The following ARSB variants were observed in gnomAD, a reference collection of about 807,000 sequenced individuals.
ARSB encodes the protein N-acetylgalactosamine-4-sulfatase.
In ARSB, 41 loss-of-function variants were observed where a neutral mutation model predicts 50.9. That is an observed-to-expected ratio of 0.81 (90% confidence interval 0.63 to 1.04). ARSB has a LOEUF of 1.04. Among genes scored for constraint, ARSB ranks in the 50% least tolerant of loss-of-function variants. The probability of loss-of-function intolerance (pLI) is 0.00; values close to 1 mark genes in which losing one functional copy is unlikely to be tolerated. For synonymous variants in ARSB, 269 were observed against 284.8 expected (o/e 0.94, Z 0.56); for missense variants, 672 against 693.3 (o/e 0.97, Z 0.35).
At chr5:78,939,885 T>G (rs1306793827) in intron 4 of ARSB, among the ~76,000 whole-genome samples, 1 of 152,254 alleles carries the variant, frequency 6.6e-6, no homozygotes, top group Non-Finnish European at 1.5e-5. Context: ...TGAACTAGTT[T>G]ATAGTCCCAC....
At chr5:78,836,678 T>G (rs548944305) in intron 6 of ARSB, among the ~76,000 whole-genome samples, 2 of 152,202 alleles carry the variant, frequency 1.3e-5, no homozygotes, top group Non-Finnish European at 2.9e-5. Flanking sequence ...GCCCTTTAGG[T>G]AAGACAGGAG....
Position 78,984,980 on chromosome 5 carries a change from A to G in ARSB, c.269T>C (p.Leu90Pro), listed in dbSNP as rs1580169508. ...VLLDNYYTQP[L>P]CTPSRSQLLT... ...CAGCTGGCTCCGCGACGGCGTGCAC[A>G]GCGGCTGCGTGTAGTAGTTGTCCAG... Residue 90 changes from leucine (L) to proline (P), a missense_variant, in exon 1 of 8, where the codon CTG (leucine) becomes CCG (proline). Coordinates refer to ENST00000264914, the MANE Select transcript of ARSB (RefSeq NM_000046.5). 6 of 1,520,280 alleles carry G rather than the reference A, an allele frequency of 3.9e-6. No individual in the cohort carries two copies. Among genetic ancestry groups the G allele is most frequent in the South Asian group, 1.2e-5 (1 of 80,330 alleles). The allele number at this position is 1,520,280 out of a possible 1,614,324, so 94.2% of individuals were successfully genotyped here.
chr5:78,820,094 C>T (rs1356328778), intron 6 of ARSB, among the ~76,000 whole-genome samples: 2 of 152,184 alleles, frequency 1.3e-5, no homozygotes, highest in Non-Finnish European at 2.9e-5. Context: ...CCTTCTGCCA[C>T]GTGAGGACTC....
intron 4 of ARSB, among the ~76,000 whole-genome samples, chr5:78,919,133 T>A (rs1337634027): frequency 6.6e-6 from 1 of 152,154 alleles, no homozygotes; most frequent in Non-Finnish European, 1.5e-5. Flanking sequence ...AGCTCAATAT[T>A]CCCTCGTGGG....
chr5:78,919,985 T>C (rs1039815392), intron 4 of ARSB, among the ~76,000 whole-genome samples: 2 of 152,140 alleles, frequency 1.3e-5, no homozygotes, highest in African/African-American at 4.8e-5. Flanking sequence ...GGCTGCTAAG[T>C]GCCCAGACTC....
chr5:78,838,537 T>C (rs1175886318), intron 6 of ARSB, among the ~76,000 whole-genome samples: 1 of 152,010 alleles, frequency 6.6e-6, no homozygotes, highest in African/African-American at 2.4e-5. Context: ...AACAAAGAAG[T>C]AAGGAGAGCC....
chr5:78,780,296 G>A lies in ARSB; in HGVS notation c.*101C>T. ...GGTGTGGTTTAAGAGCAAGAGAAGG[G>A]CCAAGTGAACCCAGGTTGGGATAAC... is the stretch of plus-strand genomic sequence containing the variant. On this transcript the variant is annotated 3_prime_UTR_variant, in exon 8 of 8. Transcript: ENST00000264914. 1 of 1,531,938 alleles carries A rather than the reference G, an allele frequency of 6.5e-7. No individual in the cohort carries two copies. The highest frequency in any genetic ancestry group is 1.1e-5 in the South Asian group (1 of 88,382). 94.9% of individuals were successfully genotyped at this position (1,531,938 alleles called of 1,614,324 possible).
intron 6 of ARSB, among the ~76,000 whole-genome samples, chr5:78,805,962 G>T (rs1279334643): frequency 6.6e-6 from 1 of 152,196 alleles, no homozygotes; most frequent in Admixed American, 6.5e-5. Flanking sequence ...CTAGCTGTGC[G>T]GCCTTGGGGG....
chr5:78,936,344 G>A (rs1302519892), intron 4 of ARSB, among the ~76,000 whole-genome samples: 3 of 151,078 alleles, frequency 2.0e-5, no homozygotes, highest in Non-Finnish European at 2.9e-5. Flanking sequence ...GGCTGGTCTC[G>A]AACTCCTGAC....
chr5:78,854,503 G>A (rs867047352), intron 5 of ARSB, among the ~76,000 whole-genome samples: 19 of 152,224 alleles, frequency 1.2e-4, no homozygotes, highest in African/African-American at 3.9e-4. Context: ...ATTCAGGAAC[G>A]TGTTTAACTT....
At chr5:78,906,723 T>C (rs1749084068) in intron 4 of ARSB, among the ~76,000 whole-genome samples, 1 of 152,192 alleles carries the variant, frequency 6.6e-6, no homozygotes, top group Admixed American at 6.5e-5. Context: ...AAGCCTCAGA[T>C]AGTTGCTTTC....
chr5:78,856,700 C>T (rs938390968), intron 5 of ARSB, among the ~76,000 whole-genome samples: 3 of 152,160 alleles, frequency 2.0e-5, no homozygotes, highest in Non-Finnish European at 2.9e-5. Context: ...GTGTTAGCTT[C>T]TATCTTCTCT....
chr5:78,979,645 CCTT>C (rs1752813516), intron 1 of ARSB, among the ~76,000 whole-genome samples: 1 of 152,172 alleles, frequency 6.6e-6, no homozygotes, highest in Non-Finnish European at 1.5e-5. Flanking sequence ...CCTGTTTCCC[CCTT>C]TTTTCCTTTT....
intron 6 of ARSB, 72 bp from the exon 7 acceptor site, chr5:78,782,046 C>A (rs918640798): frequency 2.5e-5 from 40 of 1,587,518 alleles, no homozygotes; most frequent in Non-Finnish European, 2.9e-5. Flanking sequence ...GCATTTTATA[C>A]CCTTGCAGAA....
intron 4 of ARSB, among the ~76,000 whole-genome samples, chr5:78,912,021 C>T (rs929786799): frequency 6.6e-6 from 1 of 152,194 alleles, no homozygotes; most frequent in African/African-American, 2.4e-5. Context: ...ACAGTAAGGT[C>T]AATTATCACA....
intron 4 of ARSB, among the ~76,000 whole-genome samples, chr5:78,941,329 G>C (rs1281098667): frequency 6.6e-6 from 1 of 151,226 alleles, no homozygotes; most frequent in South Asian, 2.1e-4. Context: ...ATGTTGAATA[G>C]GAGTGGTGAG....
At chr5:78,780,953 C>T (rs1748907750) in intron 7 of ARSB, among the ~76,000 whole-genome samples, 1 of 152,178 alleles carries the variant, frequency 6.6e-6, no homozygotes, top group South Asian at 2.1e-4. Context: ...TGGGCATGAG[C>T]TAGTGATGCT....
intron 6 of ARSB, among the ~76,000 whole-genome samples, chr5:78,818,341 G>GTAGATCT (rs1744078749): frequency 5.6e-4 from 2 of 3,578 alleles, no homozygotes; most frequent in East Asian, 7.0e-3. Context: ...TACAACTAAG[G>GTAGATCT]CTGCACAGGC....
intron 4 of ARSB, among the ~76,000 whole-genome samples, chr5:78,912,205 G>A (rs1380351727): frequency 6.6e-6 from 1 of 152,222 alleles, no homozygotes; most frequent in Non-Finnish European, 1.5e-5. Context: ...CAAAAGCCAT[G>A]GGAAATTGAA....
Sources: gnomAD v4.1 joint callset for allele counts (sites outside exome capture counted in the v4.1 genomes callset) on GRCh38, gnomAD v4.1.1 for gene constraint, MANE v1.5 for transcripts, NCBI Gene and HGNC (gene_info 2026-07-23, HGNC 2026-07-21) for gene names.